Variants in GJB2 observed in about 807,000 individuals in gnomAD.
GJB2 encodes the protein gap junction beta-2 protein.
A neutral mutation model predicts 16.0 loss-of-function variants in GJB2; 30 were observed. The observed-to-expected ratio is 1.88, with a 90% CI of 1.41 to 2.55. The LOEUF (loss-of-function observed/expected upper bound fraction) is 2.55, where lower values mean the gene tolerates loss of function less well. Ranked by LOEUF, GJB2 falls within the 30% of genes most tolerant of loss-of-function variation. The pLI is 0.00. For missense variants in GJB2, 284 were observed against 289.7 expected, an observed-to-expected ratio of 0.98 and a Z score of 0.14; for synonymous variants, 123 against 119.1, an observed-to-expected ratio of 1.03 and a Z score of -0.21.
In GJB2 at chr13:20,190,436, A is replaced by T. The variant is rs144642745; in HGVS notation, c.-22-833T>A. On this transcript the variant is annotated intron_variant, in intron 1 of 1. Coordinates refer to ENST00000382848, the MANE Select transcript of GJB2 (RefSeq NM_004004.6). ...TATCTGTTTTGATAAGTGCTGCAAC[A>T]GTGCATTATAATTGTGGGCTGTGGT... 4.9e-3 allele frequency among the ~76,000 whole-genome samples: 740 copies of T among 152,360 alleles called. 3 individuals carry two copies. The highest frequency in any genetic ancestry group is 0.017 in the African/African-American group (705 of 41,578).
At chr13:20,189,641 G>T in intron 1 of GJB2, 38 bp from the exon 2 acceptor site, 2 of 1,461,522 alleles carry the variant, frequency 1.4e-6, no homozygotes, top group Non-Finnish European at 1.9e-6. Context: ...GGAATCACTA[G>T]CTAGGACAGA....
intron 1 of GJB2, among the ~76,000 whole-genome samples, chr13:20,190,814 T>C (rs971647675): frequency 2.0e-5 from 3 of 152,212 alleles, no homozygotes; most frequent in African/African-American, 7.2e-5. Flanking sequence ...CTTCTTCTTT[T>C]TCTTAAAAGC....
chr13:20,187,540 A>G lies in GJB2; in HGVS notation c.*1361T>C, dbSNP rs1593350064. On this transcript the variant is annotated 3_prime_UTR_variant, in exon 2 of 2. Coordinates refer to ENST00000382848, the MANE Select transcript of GJB2 (RefSeq NM_004004.6). Reference sequence around the variant, plus strand: ...TTACAAAATTATTTTAGTTACAAGCATATCATTAAAGCTATTCTTTATTAT... The same window carrying G: ...TTACAAAATTATTTTAGTTACAAGCGTATCATTAAAGCTATTCTTTATTAT... The G allele has an allele frequency of 6.6e-6, 1 of 152,364 alleles. No homozygotes were observed. The highest frequency in any genetic ancestry group is 1.9e-4 in the East Asian group (1 of 5,194). The allele number at this position is 152,364 out of a possible 1,614,324, so 9.4% of individuals were successfully genotyped here. A position where few individuals can be genotyped will look rare whatever the true frequency, so the allele number is the denominator to read the frequency against.
In GJB2 at chr13:20,189,255, CCCCTTGATGAACTT is replaced by C. The variant is rs111033253; in HGVS notation, c.313_326del (p.Lys105GlyfsTer5). On this transcript the variant is annotated frameshift_variant, in exon 2 of 2. Coordinates refer to ENST00000382848, the MANE Select transcript of GJB2 (RefSeq NM_004004.6). LOFTEE classifies it high-confidence loss of function. Reference sequence around the variant, plus strand: ...TGTCCTTAAATTCACTCTTTATCTCCCCCTTGATGAACTTCCTCTTCTTCTCATGTCTCCGGTAG... The same window carrying C: ...TGTCCTTAAATTCACTCTTTATCTCCCCTCTTCTTCTCATGTCTCCGGTAG... The C allele has an allele frequency of 1.8e-4, 289 of 1,613,512 alleles. 1 individual carries two copies. The highest frequency in any genetic ancestry group is 2.3e-4 in the South Asian group (21 of 91,074).
chr13:20,188,774 A>G lies in GJB2; in HGVS notation c.*127T>C, dbSNP rs1209934075. 5 of 771,622 alleles carry G rather than the reference A, an allele frequency of 6.5e-6. No homozygotes were observed. Among genetic ancestry groups the G allele is most frequent in the Non-Finnish European group, 1.1e-5 (5 of 446,926 alleles). 47.8% of individuals were successfully genotyped at this position (771,622 alleles called of 1,614,324 possible). A position where few individuals can be genotyped will look rare whatever the true frequency, so the allele number is the denominator to read the frequency against. On this transcript the variant is annotated 3_prime_UTR_variant, in exon 2 of 2. Coordinates refer to ENST00000382848, the MANE Select transcript of GJB2 (RefSeq NM_004004.6). ...TCACCTGAGGCCTACAGGGGTTTCA[A>G]ATGGTTGCATTTAAGGTCAGAATCT...
chr13:20,188,145 C>T lies in GJB2; in HGVS notation c.*756G>A, dbSNP rs1472872786. The T allele has an allele frequency of 6.6e-6, 1 of 152,186 alleles. No homozygotes were observed. Among genetic ancestry groups the T allele is most frequent in the African/African-American group, 2.4e-5 (1 of 41,436 alleles). 9.4% of individuals were successfully genotyped at this position (152,186 alleles called of 1,614,324 possible). ...CTAGGAACTTCTAGTCTGTCTCACT[C>T]GATTGAGGCTACAATGTTGTTAGGT... is the stretch of plus-strand genomic sequence containing the variant. On this transcript the variant is annotated 3_prime_UTR_variant, in exon 2 of 2. Transcript: ENST00000382848.
At position 20,188,074 on chromosome 13, in the gene GJB2, A is replaced by C. The variant is rs1959049668; in HGVS notation, c.*827T>G. ...CAGTCTGTATTTCTTACACAAAATT[A>C]CATCTAAATATTTGACATGAGGCCA... On this transcript the variant is annotated 3_prime_UTR_variant, in exon 2 of 2. Transcript: ENST00000382848. 1 of 152,220 alleles carries C rather than the reference A, an allele frequency of 6.6e-6. No individual in the cohort carries two copies. The highest frequency in any genetic ancestry group is 2.1e-4 in the South Asian group (1 of 4,834). 9.4% of individuals were successfully genotyped at this position (152,220 alleles called of 1,614,324 possible).
At chr13:20,192,112 G>A (rs555275262) in intron 1 of GJB2, among the ~76,000 whole-genome samples, 1 of 152,302 alleles carries the variant, frequency 6.6e-6, no homozygotes, top group African/African-American at 2.4e-5. Flanking sequence ...GGTCTCAGCC[G>A]CACACCACCT....
chr13:20,189,739 C>T, intron 1 of GJB2, 136 bp from the exon 2 acceptor site: 1 of 721,472 alleles, frequency 1.4e-6, no homozygotes, highest in South Asian at 1.5e-5. Flanking sequence ...CTCACCAAAA[C>T]AGGTGAAGAC....
chr13:20,189,270 C>T lies in GJB2; in HGVS notation c.312G>A (p.Arg104=), dbSNP rs267603770. 2 of 1,613,792 alleles carry T rather than the reference C, an allele frequency of 1.2e-6. No homozygotes were observed. The highest frequency in any genetic ancestry group is 1.7e-6 in the Non-Finnish European group (2 of 1,179,976). Residue 104 remains arginine (R), a synonymous_variant, in exon 2 of 2, where the codon AGG becomes AGA. Coordinates refer to ENST00000382848, the MANE Select transcript of GJB2 (RefSeq NM_004004.6). ...TCTTTATCTCCCCCTTGATGAACTT[C>T]CTCTTCTTCTCATGTCTCCGGTAGG... ...HVAYRRHEKK[R]KFIKGEIKSE... is the part of the protein sequence containing the mutation.
Position 20,188,919 on chromosome 13 carries a change from C to G in GJB2, c.663G>C (p.Lys221Asn), listed in dbSNP as rs375599392. ...CYLLIRYCSG[K>N]SKKPV ...CAATGCGTTAAACTGGCTTTTTTGA[C>G]TTCCCAGAACAATATCTAATTAGCA... is the stretch of plus-strand genomic sequence containing the variant. The change falls in exon 2 of 2, where the codon AAG becomes AAC. Residue 221 changes from lysine (K) to asparagine (N), a missense_variant. Coordinates refer to ENST00000382848, the MANE Select transcript of GJB2 (RefSeq NM_004004.6). The G allele has an allele frequency of 3.6e-5, 58 of 1,613,164 alleles. No homozygotes were observed. Among genetic ancestry groups the G allele is most frequent in the Non-Finnish European group, 4.6e-5 (54 of 1,179,964 alleles).
Position 20,189,224 on chromosome 13 carries a change from C to T in GJB2, c.358G>A (p.Glu120Lys), listed in dbSNP as rs528216023. 109 of 1,613,520 alleles carry T rather than the reference C, an allele frequency of 6.8e-5. No homozygotes were observed. The highest frequency in any genetic ancestry group is 8.0e-5 in the Non-Finnish European group (94 of 1,179,918). ...EIKSEFKDIE[E>K]IKTQKVRIEG... Reference sequence around the variant, plus strand: ...ATGCGGACCTTCTGGGTTTTGATCTCCTCGATGTCCTTAAATTCACTCTTT... The same window carrying T: ...ATGCGGACCTTCTGGGTTTTGATCTTCTCGATGTCCTTAAATTCACTCTTT... The change falls in exon 2 of 2, where the codon GAG (glutamate) becomes AAG (lysine). Residue 120 changes from glutamate (E) to lysine (K), a missense_variant. By Grantham distance (56) the Glu-to-Lys change is moderately conservative. Transcript: ENST00000382848.
rs111033295 is a variant in GJB2, at chr13:20,189,217, T to A, written c.365A>T (p.Lys122Ile). 9.9e-6 allele frequency: 16 copies of A among 1,613,712 alleles called. No individual in the cohort carries two copies. The Admixed American group carries it at 2.7e-4, about 27-fold the overall frequency. The change falls in exon 2 of 2, where the codon AAA becomes ATA. Residue 122 changes from lysine to isoleucine, a missense_variant. By Grantham distance (102) the Lys-to-Ile change is moderately radical (BLOSUM62 -3). Coordinates refer to ENST00000382848, the MANE Select transcript of GJB2 (RefSeq NM_004004.6). ...KSEFKDIEEI[K>I]TQKVRIEGSL... ...GCCTTCGATGCGGACCTTCTGGGTT[T>A]TGATCTCCTCGATGTCCTTAAATTC...
Position 20,188,888 on chromosome 13 carries a change from A to C in GJB2, c.*13T>G. 3.1e-6 allele frequency: 5 copies of C among 1,604,264 alleles called. No individual in the cohort carries two copies. The South Asian group carries it at 5.5e-5, about 18-fold the overall frequency. ...ATGCTGTCTATTTCTTAATCTAACA[A>C]CTGGGCAATGCGTTAAACTGGCTTT... On this transcript the variant is annotated 3_prime_UTR_variant, in exon 2 of 2. Transcript: ENST00000382848.
rs111033196 is a variant in GJB2 at position 20,189,202 on chromosome 13, C to A, written c.380G>T (p.Arg127Leu). 113 of 1,613,698 alleles carry A rather than the reference C, an allele frequency of 7.0e-5. No homozygotes were observed. The Admixed American group carries it at 1.7e-3, about 25-fold the overall frequency. ...GGTCCACCACAGGGAGCCTTCGATG[C>A]GGACCTTCTGGGTTTTGATCTCCTC... ...DIEEIKTQKV[R>L]IEGSLWWTYT... Residue 127 changes from arginine to leucine, a missense_variant, in exon 2 of 2, where the codon CGC becomes CTC. Arg to Leu is a moderately radical substitution (Grantham distance 102, BLOSUM62 -2). Transcript: ENST00000382848.
chr13:20,191,878 T>C (rs1199216432), intron 1 of GJB2, among the ~76,000 whole-genome samples: 1 of 152,220 alleles, frequency 6.6e-6, no homozygotes, highest in Non-Finnish European at 1.5e-5. Flanking sequence ...CCTCCACCCT[T>C]CTCACCAGTG....
chr13:20,190,803 CCTT>C lies in GJB2; in HGVS notation c.-22-1203_-22-1201del, dbSNP rs968266268. 1.8e-4 allele frequency among the ~76,000 whole-genome samples: 28 copies of C among 152,244 alleles called. 1 individual carries two copies. The highest frequency in any genetic ancestry group is 6.8e-4 in the African/African-American group (28 of 41,452). ...CCCTTCAGAGCTGGTAGTGAATCCT[CCTT>C]CTTCTTTTTCTTAAAAGCATCCTCC... is the stretch of plus-strand genomic sequence containing the variant. On this transcript the variant is annotated intron_variant, in intron 1 of 1. Transcript: ENST00000382848.
rs1237673245 is a variant in GJB2 at position 20,187,493 on chromosome 13, T to A, written c.*1408A>T. The A allele has an allele frequency of 2.0e-5, 3 of 152,266 alleles. No homozygotes were observed. Among genetic ancestry groups the A allele is most frequent in the Non-Finnish European group, 4.4e-5 (3 of 68,044 alleles). The allele number at this position is 152,266 out of a possible 1,614,324, so 9.4% of individuals were successfully genotyped here. Reference sequence around the variant, plus strand: ...AATTATTATAGAGATTATATTTTAATGTTTTAAATGTATTTGATACATTAC... The same window carrying A: ...AATTATTATAGAGATTATATTTTAAAGTTTTAAATGTATTTGATACATTAC... On this transcript the variant is annotated 3_prime_UTR_variant, in exon 2 of 2. Coordinates refer to ENST00000382848, the MANE Select transcript of GJB2 (RefSeq NM_004004.6).
rs1027386523 is a variant in GJB2 at position 20,191,140 on chromosome 13, A to G, written c.-22-1537T>C. Among the ~76,000 whole-genome samples the G allele has an allele frequency of 1.1e-4, 17 of 152,314 alleles. No homozygotes were observed. The South Asian group carries it at 3.5e-3, about 32-fold the overall frequency. ...ATCCAGACTGGGAGGCCCTTAGGTG[A>G]GCTGGTTGTCCTGCTACAGCACCCA... On this transcript the variant is annotated intron_variant, in intron 1 of 1. Transcript: ENST00000382848.
Sources: gnomAD v4.1 joint callset for allele counts (sites outside exome capture counted in the v4.1 genomes callset) on GRCh38, gnomAD v4.1.1 for gene constraint, MANE v1.5 for transcripts, NCBI Gene and HGNC (gene_info 2026-07-23, HGNC 2026-07-21) for gene names.